Variants in FCHSD1 observed in about 807,000 individuals in gnomAD.
FCHSD1 encodes F-BAR and double SH3 domains protein 1.
In FCHSD1, 109 loss-of-function variants were observed where a neutral mutation model predicts 101.3. That is an observed-to-expected ratio of 1.08 (90% confidence interval 0.92 to 1.26). FCHSD1 has a LOEUF of 1.26. FCHSD1 is among the 50% of genes most tolerant of loss of function. The probability of loss-of-function intolerance (pLI) is 0.00; values close to 1 mark genes in which losing one functional copy is unlikely to be tolerated. For missense variants in FCHSD1, 820 were observed against 895.8 expected (o/e 0.92, Z 1.08); for synonymous variants, 291 against 356.8 (o/e 0.82, Z 2.08).
chr5:141,642,912 G>A (rs775999054), intron 18 of FCHSD1, 89 bp downstream of exon 18: 41 of 1,331,888 alleles, frequency 3.1e-5, no homozygotes, highest in East Asian at 1.0e-4. Context: ...CTGAAGGCAC[G>A]GAGAGGACCA....
Position 141,639,399 on chromosome 5 carries a change from G to C in FCHSD1, c.*2099C>G, listed in dbSNP as rs552652553. 1.4e-6 allele frequency: 2 copies of C among 1,393,652 alleles called. No individual in the cohort carries two copies. Among genetic ancestry groups the C allele is most frequent in the Non-Finnish European group, 9.9e-7 (1 of 1,014,878 alleles). 86.3% of individuals were successfully genotyped at this position (1,393,652 alleles called of 1,614,324 possible). On this transcript the variant is annotated 3_prime_UTR_variant, in exon 20 of 20. Coordinates refer to ENST00000435817, the MANE Select transcript of FCHSD1 (RefSeq NM_033449.3). This position sits in a 1 kb window ranked among gnomAD's most constrained non-coding sequence, Gnocchi z 4.4. The stretch of plus-strand genomic sequence containing the variant: ...GTTTTAAGGAGCATGCTGAAAGAAC[G>C]TAAGAAACAAAACATGAAGGGAAAT...
Position 141,649,630 on chromosome 5 carries a change from CAG to C in FCHSD1, c.234-96_234-95del. ...GCCCCCTGACCAACACCATGGGAGA[CAG>C]AGTGCTTTCCCATCCTCCCTTGTCT... On this transcript the variant is annotated intron_variant, in intron 4 of 19. Coordinates refer to ENST00000435817, the MANE Select transcript of FCHSD1 (RefSeq NM_033449.3). This position sits in a 1 kb window ranked among gnomAD's most constrained non-coding sequence, Gnocchi z 4.1. The C allele has an allele frequency of 2.7e-6, 4 of 1,466,172 alleles. No individual in the cohort carries two copies. Among genetic ancestry groups the C allele is most frequent in the African/African-American group, 1.4e-5 (1 of 71,262 alleles). 90.8% of individuals were successfully genotyped at this position (1,466,172 alleles called of 1,614,324 possible). A position where few individuals can be genotyped will look rare whatever the true frequency, so the allele number is the denominator to read the frequency against.
At chr5:141,643,876 C>A (rs2099907315) in intron 17 of FCHSD1, among the ~76,000 whole-genome samples, 1 of 151,456 alleles carries the variant, frequency 6.6e-6, no homozygotes, top group Admixed American at 6.6e-5. Flanking sequence ...GAAGGCTTTA[C>A]CTCGATTATC....
Position 141,641,702 on chromosome 5 carries a change from C to T in FCHSD1, c.2007G>A (p.Pro669=), listed in dbSNP as rs200119620. ...FLDMMAPRLR[P]MRPPPPPPAK... Reference sequence around the variant, plus strand: ...TCTCCTCCAAGGCAAGGGCCCTTACCGGCCTGAGTCGAGGTGCCATCATGT... The same window carrying T: ...TCTCCTCCAAGGCAAGGGCCCTTACTGGCCTGAGTCGAGGTGCCATCATGT... Residue 669 remains proline, a splice_region_variant and synonymous_variant, in exon 19 of 20, where the codon CCG becomes CCA. Transcript: ENST00000435817. 2.7e-5 allele frequency: 44 copies of T among 1,613,912 alleles called. No homozygotes were observed. Among genetic ancestry groups the T allele is most frequent in the African/African-American group, 8.0e-5 (6 of 74,928 alleles).
chr5:141,643,007 G>A lies in FCHSD1; in HGVS notation c.1945C>T (p.Pro649Ser). The change falls in exon 18 of 20, where the codon CCT becomes TCT. Residue 649 changes from proline to serine, a missense_variant. Transcript: ENST00000435817. ...VLDGPPAPVL[P>S]GDKALDFPGF... ...CCCAGTTCCTTCCACTCACCCCCAG[G>A]CAGGACAGGTGCAGGGGGCCCATCC... 1 of 1,564,358 alleles carries A rather than the reference G, an allele frequency of 6.4e-7. No individual in the cohort carries two copies. Among genetic ancestry groups the A allele is most frequent in the Non-Finnish European group, 8.7e-7 (1 of 1,155,122 alleles).
At position 141,649,068 on chromosome 5, in the gene FCHSD1, A is replaced by G; in HGVS notation, c.513-48T>C. Reference sequence around the variant, plus strand: ...TCAGGCCCACCCCAAGTGGGAGAATATGAGATCAGAGTCAGGCCCAGCTTT... The same window carrying G: ...TCAGGCCCACCCCAAGTGGGAGAATGTGAGATCAGAGTCAGGCCCAGCTTT... On this transcript the variant is annotated intron_variant, in intron 6 of 19. Transcript: ENST00000435817. The surrounding 1 kb of genome is among the most constrained non-coding windows in gnomAD (Gnocchi z 4.1). The G allele has an allele frequency of 1.2e-6, 2 of 1,613,868 alleles. No individual in the cohort carries two copies. Among genetic ancestry groups the G allele is most frequent in the Non-Finnish European group, 1.7e-6 (2 of 1,179,802 alleles).
rs1304245871 is a variant in FCHSD1, at chr5:141,639,850, C to G, written c.*1648G>C. On this transcript the variant is annotated 3_prime_UTR_variant, in exon 20 of 20. Coordinates refer to ENST00000435817, the MANE Select transcript of FCHSD1 (RefSeq NM_033449.3). The surrounding 1 kb of genome is among the most constrained non-coding windows in gnomAD (Gnocchi z 4.4). ...AGTAGCCACCAAACTCAGGATGTCCCTGGTCAGAGGGGAGGGCCAAGCAGC... is the reference window on the plus strand; with the variant it reads ...AGTAGCCACCAAACTCAGGATGTCCGTGGTCAGAGGGGAGGGCCAAGCAGC... The G allele has an allele frequency of 5.2e-6, 8 of 1,535,990 alleles. No homozygotes were observed. Among genetic ancestry groups the G allele is most frequent in the Non-Finnish European group, 7.2e-6 (8 of 1,113,640 alleles).
At chr5:141,642,046 A>C (rs1221873261) in intron 18 of FCHSD1, 1 of 543,716 alleles carries the variant, frequency 1.8e-6, no homozygotes, top group East Asian at 3.1e-5. Context: ...TAAATGACTA[A>C]GTGCTAAGTC....
chr5:141,650,848 G>A (rs72792348), intron 2 of FCHSD1, among the ~76,000 whole-genome samples, 172 bp downstream of exon 2: 1 of 151,518 alleles, frequency 6.6e-6, no homozygotes, highest in Non-Finnish European at 1.5e-5. Context: ...GGGGTTAGGT[G>A]GGGGAGCATT....
chr5:141,639,987 A>G lies in FCHSD1; in HGVS notation c.*1511T>C, dbSNP rs1316782695. The G allele has an allele frequency of 1.2e-6, 2 of 1,613,752 alleles. No individual in the cohort carries two copies. Among genetic ancestry groups the G allele is most frequent in the Non-Finnish European group, 1.7e-6 (2 of 1,179,842 alleles). ...ACACCGTGATGGCTCCCCCACAGAC[A>G]GGAGCTGGGGCTCTGGTGGGGGACA... On this transcript the variant is annotated 3_prime_UTR_variant, in exon 20 of 20. Coordinates refer to ENST00000435817, the MANE Select transcript of FCHSD1 (RefSeq NM_033449.3). This position sits in a 1 kb window ranked among gnomAD's most constrained non-coding sequence, Gnocchi z 4.4.
rs1018620229 is a variant in FCHSD1 at position 141,641,394 on chromosome 5, C to T, written c.*104G>A. 8 of 1,104,018 alleles carry T rather than the reference C, an allele frequency of 7.2e-6. No homozygotes were observed. The highest frequency in any genetic ancestry group is 3.2e-5 in the Admixed American group (1 of 30,916). 68.4% of individuals were successfully genotyped at this position (1,104,018 alleles called of 1,614,324 possible). ...TTGGAGGTGAGGGTGGAAATAAGGG[C>T]GATTCCAGCTTTTGGCTGTGTTGCT... On this transcript the variant is annotated 3_prime_UTR_variant, in exon 20 of 20. Coordinates refer to ENST00000435817, the MANE Select transcript of FCHSD1 (RefSeq NM_033449.3).
At chr5:141,650,963 G>A (rs537749816) in intron 2 of FCHSD1, 57 bp downstream of exon 2, 3 of 1,480,974 alleles carry the variant, frequency 2.0e-6, no homozygotes, top group East Asian at 4.9e-5. Context: ...GTATATTGGG[G>A]AGAAGTGGCG....
Position 141,647,192 on chromosome 5 carries a change from C to G in FCHSD1, c.867G>C (p.Glu289Asp). ...GTGGGGTGGGGGAAAATACACCAGG[C>G]TCCTGAAGAAACAGCTTCAGGTCTT... Reference protein sequence around the residue: ...WEQDLKLFLQEPGVFSPTPPQ... With the variant: ...WEQDLKLFLQDPGVFSPTPPQ... The change falls in exon 10 of 20, where the codon GAG (glutamate) becomes GAC (aspartate). Residue 289 changes from glutamate to aspartate, a missense_variant. Glu to Asp is a conservative substitution (Grantham distance 45). Coordinates refer to ENST00000435817, the MANE Select transcript of FCHSD1 (RefSeq NM_033449.3). 1 of 1,609,730 alleles carries G rather than the reference C, an allele frequency of 6.2e-7. No homozygotes were observed.
At position 141,647,135 on chromosome 5, in the gene FCHSD1, C is replaced by T; in HGVS notation, c.924G>A (p.Gln308=). The T allele has an allele frequency of 1.9e-6, 3 of 1,603,252 alleles. No individual in the cohort carries two copies. Among genetic ancestry groups the T allele is most frequent in the Non-Finnish European group, 2.6e-6 (3 of 1,174,808 alleles). The change falls in exon 10 of 20, where the codon CAG becomes CAA. Residue 308 remains glutamine (Q), a splice_region_variant and synonymous_variant. Coordinates refer to ENST00000435817, the MANE Select transcript of FCHSD1 (RefSeq NM_033449.3). ...PQQFQPAGTD[Q]VCVLEWGAEG... ...GTTCCAACAAGCAGGAAGATCTCAC[C>T]TGATCAGTCCCTGCTGGCTGAAACT...
chr5:141,640,221 A>C lies in FCHSD1; in HGVS notation c.*1277T>G, dbSNP rs769500107. On this transcript the variant is annotated 3_prime_UTR_variant, in exon 20 of 20. Coordinates refer to ENST00000435817, the MANE Select transcript of FCHSD1 (RefSeq NM_033449.3). ...AGAGCCAACACTGAGGGCCGGAGGG[A>C]GGGGCCCAAGCCCAGGGCTGCCCAC... 1 of 1,614,158 alleles carries C rather than the reference A, an allele frequency of 6.2e-7. No individual in the cohort carries two copies. The highest frequency in any genetic ancestry group is 8.5e-7 in the Non-Finnish European group (1 of 1,180,008).
chr5:141,650,028 G>A, intron 3 of FCHSD1, 74 bp from the exon 4 acceptor site: 1 of 1,412,274 alleles, frequency 7.1e-7, no homozygotes, highest in Admixed American at 2.7e-5. Context: ...TGACATCAGA[G>A]TATAATCATA....
At chr5:141,642,535 G>A in intron 18 of FCHSD1, 1 of 535,842 alleles carries the variant, frequency 1.9e-6, no homozygotes, top group Non-Finnish European at 3.2e-6. Flanking sequence ...AACTGCTATA[G>A]ACATTTAAAA....
rs1050534667 is a variant in FCHSD1, at chr5:141,649,971, C to G, written c.166-17G>C. The G allele has an allele frequency of 6.5e-7, 1 of 1,536,316 alleles. No individual in the cohort carries two copies. On this transcript the variant is annotated splice_polypyrimidine_tract_variant and intron_variant, in intron 3 of 19. Transcript: ENST00000435817. The surrounding 1 kb of genome is among the most constrained non-coding windows in gnomAD (Gnocchi z 4.1). ...CTGGAGTGCCTGGTGAAAAAGCCAT[C>G]ACAGAACCAAGTTCCCTTTCAAAGA... is the stretch of plus-strand genomic sequence containing the variant.
Position 141,639,674 on chromosome 5 carries a change from G to T in FCHSD1, c.*1824C>A, listed in dbSNP as rs773503771. On this transcript the variant is annotated 3_prime_UTR_variant, in exon 20 of 20. Transcript: ENST00000435817. This position sits in a 1 kb window ranked among gnomAD's most constrained non-coding sequence, Gnocchi z 4.4. ...GGTGGGGCAGGTGCTCCAGGGAAAG[G>T]GGGGCTGAGGTAGGGGGCCCAGTGA... 1.9e-6 allele frequency: 3 copies of T among 1,579,416 alleles called. No homozygotes were observed.
Sources: allele counts gnomAD v4.1 joint callset (sites outside exome capture counted in the v4.1 genomes callset), GRCh38; gene constraint gnomAD v4.1.1; non-coding constraint Gnocchi (gnomAD v3.1); transcripts MANE v1.5; gene names NCBI Gene and HGNC (gene_info 2026-07-23, HGNC 2026-07-21).